MINDY4: variants seen among roughly 807,000 people sequenced by gnomAD.
MINDY4 encodes the protein probable ubiquitin carboxyl-terminal hydrolase MINDY-4.
MINDY4 carries 68 observed loss-of-function variants against 87.0 expected under a neutral mutation model. The ratio of observed to expected loss-of-function variants is 0.78; its 90% CI spans 0.64 to 0.96. The LOEUF is 0.96. MINDY4 is among the 40% of genes least tolerant of loss of function. The pLI is 0.00. For missense variants in MINDY4, 919 were observed against 928.2 expected (o/e 0.99, Z 0.13); for synonymous variants, 379 against 363.2 (o/e 1.04, Z -0.50).
At chr7:30,868,971 C>T (rs549248311) in intron 13 of MINDY4, among the ~76,000 whole-genome samples, 2 of 152,218 alleles carry the variant, frequency 1.3e-5, no homozygotes, top group African/African-American at 4.8e-5. Context: ...TTTTCACCCC[C>T]TGGTCAAGCC....
rs768009257 is a variant in MINDY4, at chr7:30,791,516, A to G, written c.1015A>G (p.Thr339Ala). 19 of 1,613,920 alleles carry G rather than the reference A, an allele frequency of 1.2e-5. No homozygotes were observed. Among genetic ancestry groups the G allele is most frequent in the Non-Finnish European group, 1.4e-5 (17 of 1,179,906 alleles). The change falls in exon 5 of 18, where the codon ACC becomes GCC. Residue 339 changes from threonine (T) to alanine (A), a missense_variant. Thr to Ala is a moderately conservative substitution (Grantham distance 58). Transcript: ENST00000265299. The stretch of plus-strand genomic sequence containing the variant: ...CTTGCCTGGTGGTAATTCCAGGATG[A>G]CCCAGGAGAGGCTGGAAAGAGCGTT... ...LYLPGGNSRM[T>A]QERLERAFKR...
intron 8 of MINDY4, among the ~76,000 whole-genome samples, chr7:30,839,556 C>T (rs1788970295): frequency 6.6e-6 from 1 of 152,186 alleles, no homozygotes; most frequent in African/African-American, 2.4e-5. Flanking sequence ...ATTTAAGGAG[C>T]ACTTGCTGTG....
chr7:30,835,235 G>A (rs1203658617), intron 6 of MINDY4, among the ~76,000 whole-genome samples: 1 of 152,364 alleles, frequency 6.6e-6, no homozygotes, highest in East Asian at 1.9e-4. Context: ...CATGGCAGAA[G>A]GCAAGGAGGA....
rs373841379 is a variant in MINDY4 at position 30,819,963 on chromosome 7, G to A, written c.1074-8716G>A. ...GTCGCCCAGGCTGGAGTGCAGTGGC[G>A]GGATCTCGGCTCACTGCAAGCTCCG... On this transcript the variant is annotated intron_variant, in intron 5 of 17. Coordinates refer to ENST00000265299, the MANE Select transcript of MINDY4 (RefSeq NM_032222.3). Among the ~76,000 whole-genome samples the A allele has an allele frequency of 5.5e-4, 80 of 144,812 alleles. 1 individual carries two copies. The East Asian group carries it at 0.011, about 21-fold the overall frequency.
chr7:30,837,004 C>T (rs1257556152), intron 7 of MINDY4, among the ~76,000 whole-genome samples: 1 of 152,134 alleles, frequency 6.6e-6, no homozygotes, highest in Non-Finnish European at 1.5e-5. Flanking sequence ...ATGTCCTCCC[C>T]TCCAAATACC....
chr7:30,832,484 A>C (rs952184677), intron 6 of MINDY4, among the ~76,000 whole-genome samples: 18 of 152,128 alleles, frequency 1.2e-4, no homozygotes, highest in African/African-American at 4.3e-4. Context: ...CCTGCCTATC[A>C]GTATTCTTCC....
Position 30,802,459 on chromosome 7 carries a change from A to G in MINDY4, c.1073+10885A>G, listed in dbSNP as rs137931968. ...CTTGGACAACCCTCAGTATAGAACA[A>G]TGATTTGATAACTCATATTTATATT... is the stretch of plus-strand genomic sequence containing the variant. On this transcript the variant is annotated intron_variant, in intron 5 of 17. Coordinates refer to ENST00000265299, the MANE Select transcript of MINDY4 (RefSeq NM_032222.3). Among the ~76,000 whole-genome samples the G allele has an allele frequency of 3.4e-4, 51 of 152,222 alleles. No homozygotes were observed. In the East Asian group the frequency reaches 4.6e-3, roughly 14 times the overall value.
At chr7:30,784,519 C>T (rs1787097293) in intron 3 of MINDY4, among the ~76,000 whole-genome samples, 1 of 152,234 alleles carries the variant, frequency 6.6e-6, no homozygotes, top group Non-Finnish European at 1.5e-5. Flanking sequence ...CGTGAGCTTT[C>T]CACGAAAAGA....
Position 30,886,331 on chromosome 7 carries a change from C to T in MINDY4, c.2225+3338C>T, listed in dbSNP as rs541208515. Among the ~76,000 whole-genome samples, 12 of 152,308 alleles carry T rather than the reference C, an allele frequency of 7.9e-5. No homozygotes were observed. The East Asian group carries it at 1.7e-3, about 22-fold the overall frequency. ...TGGCTCCTGCTCTCAGAGAGTTTGC[C>T]ATCAGCCAAAAGTCAAGTTTGGAAT... is the stretch of plus-strand genomic sequence containing the variant. On this transcript the variant is annotated intron_variant, in intron 17 of 17. Transcript: ENST00000265299.
chr7:30,783,708 T>C (rs1490517884), intron 3 of MINDY4, among the ~76,000 whole-genome samples: 2 of 152,216 alleles, frequency 1.3e-5, no homozygotes, highest in Non-Finnish European at 2.9e-5. Context: ...CTGTTGAGGC[T>C]GTGAGAATGG....
chr7:30,839,367 TA>T, intron 8 of MINDY4, 51 bp downstream of exon 8: 1 of 1,164,114 alleles, frequency 8.6e-7, no homozygotes, highest in African/African-American at 1.6e-5. Context: ...CCATCATGCA[TA>T]GGGGTGGGTG....
chr7:30,890,931 C>T (rs138066399), intron 17 of MINDY4, among the ~76,000 whole-genome samples: 24 of 152,162 alleles, frequency 1.6e-4, no homozygotes, highest in African/African-American at 5.5e-4. Context: ...CAGGAATCCT[C>T]GACTTTCTGG....
intron 13 of MINDY4, among the ~76,000 whole-genome samples, chr7:30,871,872 T>G (rs1790117278): frequency 6.6e-6 from 1 of 152,136 alleles, no homozygotes; most frequent in Non-Finnish European, 1.5e-5. Flanking sequence ...AGAGGGTTCC[T>G]CAGTCTACAC....
chr7:30,873,716 G>C (rs977903086), intron 14 of MINDY4, among the ~76,000 whole-genome samples: 2 of 152,222 alleles, frequency 1.3e-5, no homozygotes, highest in African/African-American at 4.8e-5. Context: ...TCTCAAGAAG[G>C]CTTCCTGCTA....
intron 5 of MINDY4, among the ~76,000 whole-genome samples, chr7:30,818,740 T>G (rs1359307713): frequency 6.6e-6 from 1 of 152,230 alleles, no homozygotes; most frequent in Non-Finnish European, 1.5e-5. Flanking sequence ...GGGGGTGAAT[T>G]TTAAATTAAT....
chr7:30,877,611 T>C (rs1282649133), intron 15 of MINDY4, among the ~76,000 whole-genome samples: 2 of 151,830 alleles, frequency 1.3e-5, no homozygotes, highest in African/African-American at 4.8e-5. Context: ...CCTCAACCCC[T>C]GCCTTCCACT....
chr7:30,786,242 C>A, intron 4 of MINDY4: 1 of 502,492 alleles, frequency 2.0e-6, no homozygotes, highest in Non-Finnish European at 3.5e-6. Context: ...CCATGGTTTT[C>A]TGTTCCTCTG....
intron 17 of MINDY4, among the ~76,000 whole-genome samples, chr7:30,890,373 C>G (rs887832210): frequency 4.6e-5 from 7 of 152,240 alleles, no homozygotes; most frequent in Admixed American, 4.6e-4. Flanking sequence ...TCTATCCTCA[C>G]AGTGCCCTGG....
chr7:30,856,420 A>G (rs1435532237), intron 12 of MINDY4, among the ~76,000 whole-genome samples: 2 of 151,886 alleles, frequency 1.3e-5, no homozygotes, highest in Admixed American at 1.3e-4. Flanking sequence ...CACTGCAGAG[A>G]GGCATGTCCA....
Sources: allele counts gnomAD v4.1 joint callset (sites outside exome capture counted in the v4.1 genomes callset), GRCh38; gene constraint gnomAD v4.1.1; transcripts MANE v1.5; gene names NCBI Gene and HGNC (gene_info 2026-07-23, HGNC 2026-07-21).